RAPGEF2: variants seen among roughly 807,000 people sequenced by gnomAD.
RAPGEF2 encodes the protein Rap guanine nucleotide exchange factor 2.
Under a neutral mutation model 186.7 loss-of-function variants are expected in RAPGEF2, and 54 were observed. The observed-to-expected ratio is 0.29, with a 90% CI of 0.23 to 0.36. RAPGEF2 has a LOEUF of 0.36. Ranked by LOEUF, RAPGEF2 falls within the 10% of genes least tolerant of loss-of-function variation. The probability of loss-of-function intolerance (pLI) is 1.00; values close to 1 mark genes in which losing one functional copy is unlikely to be tolerated. For missense variants in RAPGEF2, 1,532 were observed against 2,045.0 expected, an observed-to-expected ratio of 0.75 and a Z score of 4.84; for synonymous variants, 712 against 705.9, an observed-to-expected ratio of 1.01 and a Z score of -0.14.
At chr4:159,115,130 C>T (rs892256865) in intron 1 of RAPGEF2, among the ~76,000 whole-genome samples, 30 of 152,030 alleles carry the variant, frequency 2.0e-4, no homozygotes, top group African/African-American at 7.3e-4. Context: ...AGCCAACTAT[C>T]TTTCCGTTTT....
intron 3 of RAPGEF2, among the ~76,000 whole-genome samples, chr4:159,205,543 C>T (rs1264363043): frequency 2.0e-5 from 3 of 152,124 alleles, no homozygotes; most frequent in African/African-American, 7.2e-5. Context: ...AATCTCATGT[C>T]AAATTGTTGT....
Position 159,260,388 on chromosome 4 carries a change from AT to A in RAPGEF2, c.543+16598del, listed in dbSNP as rs1179788949. Among the ~76,000 whole-genome samples the A allele has an allele frequency of 2.0e-5, 3 of 152,142 alleles. No homozygotes were observed. In the East Asian group the frequency reaches 5.8e-4, roughly 29 times the overall value. ...GAAGGAGTTATTACGAGGAAATCTT[AT>A]CCCCAAACAGTTTTGTTTCCGTTAA... is the stretch of plus-strand genomic sequence containing the variant. On this transcript the variant is annotated intron_variant, in intron 7 of 29. Transcript: ENST00000691494.
chr4:159,339,426 A>C lies in RAPGEF2; in HGVS notation c.2534+72A>C, dbSNP rs1026534975. The C allele has an allele frequency of 5.3e-6, 8 of 1,512,422 alleles. No homozygotes were observed. In the African/African-American group the frequency reaches 1.1e-4, roughly 21 times the overall value. The allele number at this position is 1,512,422 out of a possible 1,614,324, so 93.7% of individuals were successfully genotyped here. On this transcript the variant is annotated intron_variant, in intron 19 of 29. Transcript: ENST00000691494. ...CCACATCAAAGTCTAAGAGATGAGC[A>C]ATTTTCAAAGTGTTTTTTAAATGAG... is the stretch of plus-strand genomic sequence containing the variant.
At position 159,273,586 on chromosome 4, in the gene RAPGEF2, T is replaced by C. The variant is rs891596248; in HGVS notation, c.543+29795T>C. ...AAATGTGTCATTAGGAATTCAGTTA[T>C]TCTCCTTTAACCATTTAGCCCTAGT... On this transcript the variant is annotated intron_variant, in intron 7 of 29. Coordinates refer to ENST00000691494, the MANE Select transcript of RAPGEF2 (RefSeq NM_001394067.2). Among the ~76,000 whole-genome samples the C allele has an allele frequency of 3.9e-5, 6 of 152,214 alleles. No individual in the cohort carries two copies. In the East Asian group the frequency reaches 9.6e-4, roughly 24 times the overall value.
At position 159,336,914 on chromosome 4, in the gene RAPGEF2, G is replaced by A. The variant is rs145700962; in HGVS notation, c.2136-1397G>A. On this transcript the variant is annotated intron_variant, in intron 17 of 29. Transcript: ENST00000691494. ...AATATAATTTTCCTCTTATTTCAAGGTGTGTATAGAAACTAGTCTGAGCTA... is the reference window on the plus strand; with the variant it reads ...AATATAATTTTCCTCTTATTTCAAGATGTGTATAGAAACTAGTCTGAGCTA... Among the ~76,000 whole-genome samples, 1,255 of 152,158 alleles carry A rather than the reference G, an allele frequency of 8.2e-3. 15 individuals are homozygous for A. The highest frequency in any genetic ancestry group is 0.028 in the African/African-American group (1,179 of 41,514).
In RAPGEF2 at chr4:159,301,677, A is replaced by C. The variant is rs139132636; in HGVS notation, c.544-2665A>C. 4.6e-3 allele frequency among the ~76,000 whole-genome samples: 696 copies of C among 152,106 alleles called. 6 individuals are homozygous for C. The highest frequency in any genetic ancestry group is 0.016 in the African/African-American group (656 of 41,446). On this transcript the variant is annotated intron_variant, in intron 7 of 29. Coordinates refer to ENST00000691494, the MANE Select transcript of RAPGEF2 (RefSeq NM_001394067.2). Reference sequence around the variant, plus strand: ...TGAGACCAACCTGGGCAACATAGAGAGACCCTTTTATTATCTACAAAAAAT... The same window carrying C: ...TGAGACCAACCTGGGCAACATAGAGCGACCCTTTTATTATCTACAAAAAAT...
At chr4:159,145,030 A>C (rs866779872) in intron 1 of RAPGEF2, among the ~76,000 whole-genome samples, 1 of 151,772 alleles carries the variant, frequency 6.6e-6, no homozygotes, top group Non-Finnish European at 1.5e-5. Flanking sequence ...CTGGAACTGC[A>C]GGCATGCACC....
chr4:159,154,449 C>G (rs1743897530), intron 1 of RAPGEF2, among the ~76,000 whole-genome samples: 1 of 151,502 alleles, frequency 6.6e-6, no homozygotes. Flanking sequence ...CTCGGTATTA[C>G]TGAACTCAGA....
intron 9 of RAPGEF2, among the ~76,000 whole-genome samples, chr4:159,318,450 G>A (rs563380449): frequency 7.9e-5 from 12 of 152,304 alleles, no homozygotes; most frequent in African/African-American, 2.4e-4. Context: ...TTATGTCCAC[G>A]TGCATGCATG....
chr4:159,353,603 C>T lies in RAPGEF2; in HGVS notation c.4208C>T (p.Ala1403Val). The T allele has an allele frequency of 6.3e-7, 1 of 1,597,520 alleles. No homozygotes were observed. Among genetic ancestry groups the T allele is most frequent in the Admixed American group, 1.8e-5 (1 of 56,752 alleles). ...DQGDRASLDA[A>V]DSGRGSWTSC... ...GGGGATCGCGCGTCACTTGATGCTG[C>T]TGACAGTGGCCGTGGGAGCTGGACG... is the stretch of plus-strand genomic sequence containing the variant. The change falls in exon 28 of 30, where the codon GCT becomes GTT. Residue 1403 changes from alanine (A) to valine (V), a missense_variant. By Grantham distance (64) the Ala-to-Val change is moderately conservative. This residue lies in a region of RAPGEF2 where 594 missense variants were observed against 608.5 expected (regional missense o/e 0.98). Transcript: ENST00000691494. The surrounding 1 kb of genome is among the most constrained non-coding windows in gnomAD (Gnocchi z 4.3).
intron 23 of RAPGEF2, among the ~76,000 whole-genome samples, chr4:159,344,438 G>T (rs961908572): frequency 1.3e-5 from 2 of 152,212 alleles, no homozygotes; most frequent in Non-Finnish European, 2.9e-5. Flanking sequence ...TCACAGATAT[G>T]TGAGAAATAA....
chr4:159,245,879 C>A (rs1022264294), intron 7 of RAPGEF2, among the ~76,000 whole-genome samples: 9 of 151,894 alleles, frequency 5.9e-5, no homozygotes, highest in Non-Finnish European at 2.9e-5. Flanking sequence ...GTTATGTGTC[C>A]CAACTGACAT....
In RAPGEF2 at chr4:159,333,049, G is replaced by A. The variant is rs188064734; in HGVS notation, c.2135+352G>A. Among the ~76,000 whole-genome samples, 1,249 of 151,870 alleles carry A rather than the reference G, an allele frequency of 8.2e-3. 15 individuals are homozygous for A. The highest frequency in any genetic ancestry group is 0.028 in the African/African-American group (1,172 of 41,414). On this transcript the variant is annotated intron_variant, in intron 17 of 29. Transcript: ENST00000691494. ...GGCTGGAGTGCAGTGGCGCGATCTC[G>A]GCTCACTGCAACCTGTGCCGCCCAG...
At chr4:159,110,601 C>G (rs1395225684) in intron 1 of RAPGEF2, among the ~76,000 whole-genome samples, 1 of 152,088 alleles carries the variant, frequency 6.6e-6, no homozygotes, top group East Asian at 1.9e-4. Flanking sequence ...CCCAAAACAC[C>G]ATCATGTAGT....
chr4:159,108,474 A>T (rs760916682), intron 1 of RAPGEF2, among the ~76,000 whole-genome samples: 5 of 151,472 alleles, frequency 3.3e-5, no homozygotes, highest in Non-Finnish European at 7.4e-5. Flanking sequence ...AACTAGTTAT[A>T]ACTTCTTATC....
intron 1 of RAPGEF2, among the ~76,000 whole-genome samples, chr4:159,174,760 C>CT (rs1043918425): frequency 0.022 from 958 of 44,138 alleles, 6 homozygotes; most frequent in Middle Eastern, 0.1. Flanking sequence ...TTCTTTCTTT[C>CT]TTTTTTTTTT....
chr4:159,133,748 T>C lies in RAPGEF2; in HGVS notation c.69+29517T>C, dbSNP rs535308552. ...ACAGGTGCCTGCCACCACGCCCAGC[T>C]AATTTTTTGTATTTTTAGTAGAGAC... is the stretch of plus-strand genomic sequence containing the variant. On this transcript the variant is annotated intron_variant, in intron 1 of 29. Transcript: ENST00000691494. 2.0e-4 allele frequency among the ~76,000 whole-genome samples: 30 copies of C among 152,164 alleles called. No homozygotes were observed. The South Asian group carries it at 6.2e-3, about 32-fold the overall frequency.
chr4:159,325,439 A>T (rs1043490746), intron 11 of RAPGEF2, among the ~76,000 whole-genome samples: 2 of 151,494 alleles, frequency 1.3e-5, no homozygotes, highest in African/African-American at 4.8e-5. Context: ...TTGTACTCTT[A>T]AAAAAAAACT....
chr4:159,350,224 C>A lies in RAPGEF2; in HGVS notation c.3800C>A (p.Thr1267Lys), dbSNP rs778351100. 5.6e-6 allele frequency: 9 copies of A among 1,599,420 alleles called. No individual in the cohort carries two copies. The South Asian group carries it at 9.2e-5, about 16-fold the overall frequency. ...LERHKKQAED[T>K]ISNASSQLSS... ...CGTCACAAGAAACAGGCTGAAGATA[C>A]AATATCAAATGCATCTTCGCAGCTT... Residue 1267 changes from threonine (T) to lysine (K), a missense_variant, in exon 26 of 30, where the codon ACA (threonine) becomes AAA (lysine). Physicochemically the swap from Thr to Lys is moderately conservative, Grantham distance 78. This residue lies in a region of RAPGEF2 where 594 missense variants were observed against 608.5 expected (regional missense o/e 0.98). Transcript: ENST00000691494.
Sources: gnomAD v4.1 joint callset for allele counts (sites outside exome capture counted in the v4.1 genomes callset) on GRCh38, gnomAD v4.1.1 for gene constraint, gnomAD v4.1.1 regional missense constraint, Gnocchi (gnomAD v3.1) non-coding constraint, MANE v1.5 for transcripts, NCBI Gene and HGNC (gene_info 2026-07-23, HGNC 2026-07-21) for gene names.